The following ABLIM3 variants were observed in gnomAD, a reference collection of about 807,000 sequenced individuals.
ABLIM3 encodes actin binding LIM protein family member 3.
In ABLIM3, 61 loss-of-function variants were observed where a neutral mutation model predicts 109.5. The observed-to-expected ratio is 0.56, with a 90% CI of 0.45 to 0.69. The LOEUF is 0.69. Ranked by LOEUF, ABLIM3 falls within the 30% of genes least tolerant of loss-of-function variation. The probability of loss-of-function intolerance (pLI) is 0.00; values close to 1 mark genes in which losing one functional copy is unlikely to be tolerated. For synonymous variants in ABLIM3, 300 were observed against 324.8 expected (o/e 0.92, Z 0.82); for missense variants, 796 against 889.5 (o/e 0.89, Z 1.34).
At position 149,252,126 on chromosome 5, in the gene ABLIM3, A is replaced by G. The variant is rs959928859; in HGVS notation, c.1850-75A>G. 21 of 1,536,350 alleles carry G rather than the reference A, an allele frequency of 1.4e-5. No individual in the cohort carries two copies. The African/African-American group carries it at 2.7e-4, about 20-fold the overall frequency. On this transcript the variant is annotated intron_variant, in intron 21 of 23. Coordinates refer to ENST00000309868, the MANE Select transcript of ABLIM3 (RefSeq NM_014945.5). Reference sequence around the variant, plus strand: ...GCCAGACCCCCTGAGAGAGTAGGACAGAGGCCTGTGTAGTGATGCAAAGCA... The same window carrying G: ...GCCAGACCCCCTGAGAGAGTAGGACGGAGGCCTGTGTAGTGATGCAAAGCA...
At position 149,259,551 on chromosome 5, in the gene ABLIM3, C is replaced by G. The variant is rs1287385346; in HGVS notation, c.*1147C>G. On this transcript the variant is annotated 3_prime_UTR_variant, in exon 24 of 24. Transcript: ENST00000309868. The stretch of plus-strand genomic sequence containing the variant: ...AAGTTGGCCATGTTTCACAGGGAAA[C>G]TTTTGGAAGAGTGGCTGCTTATGAG... The G allele has an allele frequency of 6.5e-7, 1 of 1,536,202 alleles. No homozygotes were observed. Among genetic ancestry groups the G allele is most frequent in the Non-Finnish European group, 8.7e-7 (1 of 1,146,956 alleles).
chr5:149,236,690 C>T (rs531298595), intron 10 of ABLIM3, among the ~76,000 whole-genome samples: 31 of 152,076 alleles, frequency 2.0e-4, no homozygotes, highest in East Asian at 1.9e-4. Context: ...AGCCTTCTGA[C>T]GGTGTAAGAC....
chr5:149,141,982 G>A (rs919917463), intron 1 of ABLIM3, 27 bp from the exon 2 acceptor site: 2 of 1,435,908 alleles, frequency 1.4e-6, no homozygotes, highest in African/African-American at 1.4e-5. Context: ...TACAGAGCTG[G>A]CACTGGACTG....
chr5:149,244,834 C>G (rs771037254), intron 15 of ABLIM3, 47 bp from the exon 16 acceptor site: 14 of 1,613,712 alleles, frequency 8.7e-6, no homozygotes, highest in Non-Finnish European at 1.2e-5. Flanking sequence ...ACAGTCCCAT[C>G]CCGGTCACTC....
At chr5:149,237,853 T>C (rs1752378775) in intron 11 of ABLIM3, among the ~76,000 whole-genome samples, 1 of 152,202 alleles carries the variant, frequency 6.6e-6, no homozygotes, top group South Asian at 2.1e-4. Context: ...CAGCACCCCC[T>C]ATAGACAGGA....
chr5:149,161,190 T>C (rs997535293), intron 2 of ABLIM3, among the ~76,000 whole-genome samples: 1 of 152,172 alleles, frequency 6.6e-6, no homozygotes, highest in East Asian at 1.9e-4. Context: ...TCTGAAACCT[T>C]CTGTTTACAG....
At chr5:149,216,636 G>T in intron 7 of ABLIM3, 1 of 289,124 alleles carries the variant, frequency 3.5e-6, no homozygotes, top group Non-Finnish European at 6.5e-6. Context: ...ATGCTGGGAT[G>T]TCCTCAAAGC....
intron 18 of ABLIM3, among the ~76,000 whole-genome samples, chr5:149,249,162 T>G (rs189703526): frequency 6.6e-6 from 1 of 152,154 alleles, no homozygotes; most frequent in Non-Finnish European, 1.5e-5. Context: ...AGACCCAAGT[T>G]GGAGTGGCCC....
At chr5:149,206,903 T>C in intron 5 of ABLIM3, 105 bp from the exon 6 acceptor site, 3 of 1,477,740 alleles carry the variant, frequency 2.0e-6, no homozygotes, top group Admixed American at 4.0e-5. Flanking sequence ...GGAGCAACTA[T>C]GGGAACACTG....
intron 3 of ABLIM3, among the ~76,000 whole-genome samples, chr5:149,195,688 C>T (rs989531776): frequency 1.3e-5 from 2 of 152,188 alleles, no homozygotes; most frequent in Non-Finnish European, 2.9e-5. Context: ...CTAATTGATT[C>T]CGCAGCCATG....
At chr5:149,160,892 AG>A (rs987441001) in intron 2 of ABLIM3, among the ~76,000 whole-genome samples, 3 of 152,180 alleles carry the variant, frequency 2.0e-5, no homozygotes, top group Admixed American at 6.5e-5. Flanking sequence ...TCCTCATCCC[AG>A]GCCCAGCAGT....
At chr5:149,217,214 G>A (rs1760185989) in intron 8 of ABLIM3, 168 bp downstream of exon 8, 1 of 657,438 alleles carries the variant, frequency 1.5e-6, no homozygotes, top group Admixed American at 2.3e-5. Context: ...GATTGGGAAG[G>A]TTGCCGGTGT....
intron 2 of ABLIM3, among the ~76,000 whole-genome samples, chr5:149,149,863 A>T (rs958613498): frequency 6.6e-6 from 1 of 152,188 alleles, no homozygotes; most frequent in Non-Finnish European, 1.5e-5. Context: ...GAGCCTAGTA[A>T]CTGTGGCTCA....
At chr5:149,206,164 C>G (rs1758948521) in intron 5 of ABLIM3, among the ~76,000 whole-genome samples, 1 of 152,222 alleles carries the variant, frequency 6.6e-6, no homozygotes, top group African/African-American at 2.4e-5. Context: ...TTTCCGGACC[C>G]TCCTCAGACA....
At chr5:149,157,154 C>T (rs1191331314) in intron 2 of ABLIM3, among the ~76,000 whole-genome samples, 1 of 152,190 alleles carries the variant, frequency 6.6e-6, no homozygotes, top group Non-Finnish European at 1.5e-5. Context: ...TTAACTCACA[C>T]TCTGATATTA....
intron 2 of ABLIM3, among the ~76,000 whole-genome samples, chr5:149,178,982 G>A (rs17109711): frequency 0.038 from 5,754 of 152,222 alleles, 336 homozygotes; most frequent in African/African-American, 0.13. Context: ...CCAGCCACAC[G>A]GAGACAAAGA....
At chr5:149,237,859 C>T (rs1181178320) in intron 11 of ABLIM3, among the ~76,000 whole-genome samples, 2 of 152,190 alleles carry the variant, frequency 1.3e-5, no homozygotes, top group Non-Finnish European at 2.9e-5. Context: ...CCCCTATAGA[C>T]AGGACATGAG....
intron 2 of ABLIM3, among the ~76,000 whole-genome samples, chr5:149,144,830 G>C (rs1249305564): frequency 6.6e-6 from 1 of 152,148 alleles, no homozygotes; most frequent in Non-Finnish European, 1.5e-5. Context: ...CTGAAATAGA[G>C]GCAAAGCATG....
At chr5:149,250,854 G>A (rs1199553778) in intron 20 of ABLIM3, among the ~76,000 whole-genome samples, 4 of 152,180 alleles carry the variant, frequency 2.6e-5, no homozygotes, top group Admixed American at 2.0e-4. Context: ...AGAGAAGTGA[G>A]GTGACTTACC....
Sources: gnomAD v4.1 joint callset for allele counts (sites outside exome capture counted in the v4.1 genomes callset) on GRCh38, gnomAD v4.1.1 for gene constraint, MANE v1.5 for transcripts, NCBI Gene and HGNC (gene_info 2026-07-23, HGNC 2026-07-21) for gene names.